CLVS1: variants seen among roughly 807,000 people sequenced by gnomAD.
CLVS1 encodes clavesin-1.
CLVS1 carries 10 observed loss-of-function variants against 33.1 expected under a neutral mutation model. The observed-to-expected ratio is 0.30, with a 90% CI of 0.19 to 0.51. The LOEUF (loss-of-function observed/expected upper bound fraction) is 0.51, where lower values mean the gene tolerates loss of function less well. CLVS1 is among the 20% of genes least tolerant of loss of function. The probability of loss-of-function intolerance (pLI) is 0.97; values close to 1 mark genes in which losing one functional copy is unlikely to be tolerated. For synonymous variants in CLVS1, 163 were observed against 166.1 expected (o/e 0.98, Z 0.14); for missense variants, 343 against 433.4 (o/e 0.79, Z 1.85).
At chr8:61,433,374 T>C (rs1265224831) in intron 3 of CLVS1, among the ~76,000 whole-genome samples, 1 of 152,220 alleles carries the variant, frequency 6.6e-6, no homozygotes, top group Non-Finnish European at 1.5e-5. Context: ...ATCTACATTT[T>C]ACATACAATA....
chr8:61,070,141 C>A (rs768310640), intron 1 of CLVS1, among the ~76,000 whole-genome samples: 1 of 152,140 alleles, frequency 6.6e-6, no homozygotes. Flanking sequence ...TTGGCTGCCT[C>A]GTGTTCTGCC....
At position 61,477,765 on chromosome 8, in the gene CLVS1, A is replaced by AT. The variant is rs1019817381; in HGVS notation, c.977+19229dup. On this transcript the variant is annotated intron_variant, in intron 5 of 5. Transcript: ENST00000325897. ...AAAAAACCAGCTCCTGGATTCATTG[A>AT]TTTTTTGAAGGGTTTTTTGTGTCTC... 2.0e-3 allele frequency among the ~76,000 whole-genome samples: 309 copies of AT among 152,100 alleles called. 2 individuals are homozygous for AT. Among genetic ancestry groups the AT allele is most frequent in the African/African-American group, 7.3e-3 (301 of 41,486 alleles).
chr8:61,272,724 C>G (rs1272862636), intron 2 of CLVS1, among the ~76,000 whole-genome samples: 1 of 152,138 alleles, frequency 6.6e-6, no homozygotes, highest in Non-Finnish European at 1.5e-5. Flanking sequence ...AACTTCCCTT[C>G]TCACTTCATT....
the CLVS1 span, among the ~76,000 whole-genome samples, chr8:61,019,381 G>A: frequency 6.6e-6 from 1 of 152,170 alleles, no homozygotes; most frequent in Non-Finnish European, 1.5e-5. Context: ...CTGGCCTGGT[G>A]TCAGCCACTT....
chr8:61,481,669 G>A (rs1297323649), intron 5 of CLVS1, among the ~76,000 whole-genome samples: 1 of 152,164 alleles, frequency 6.6e-6, no homozygotes, highest in Non-Finnish European at 1.5e-5. Flanking sequence ...TGTCATTGCT[G>A]AGGCTTGAGT....
At chr8:61,109,513 T>A (rs1263897606) in intron 1 of CLVS1, among the ~76,000 whole-genome samples, 2 of 152,202 alleles carry the variant, frequency 1.3e-5, no homozygotes, top group Admixed American at 6.5e-5. Context: ...TACTTCAGTA[T>A]AAATATTGCT....
At chr8:61,017,442 C>T in the CLVS1 span, among the ~76,000 whole-genome samples, 3 of 152,242 alleles carry the variant, frequency 2.0e-5, no homozygotes, top group Non-Finnish European at 2.9e-5. Context: ...TACGCCATTT[C>T]CCTGCCTGTC....
chr8:61,091,304 G>A (rs1055417351), intron 1 of CLVS1, among the ~76,000 whole-genome samples: 3 of 152,194 alleles, frequency 2.0e-5, no homozygotes, highest in Admixed American at 6.5e-5. Context: ...AAGCAGTCCT[G>A]TGACACCTTG....
At chr8:61,204,630 A>G (rs1421862278) in intron 2 of CLVS1, among the ~76,000 whole-genome samples, 1 of 152,194 alleles carries the variant, frequency 6.6e-6, no homozygotes, top group African/African-American at 2.4e-5. Flanking sequence ...AAATAAAAGA[A>G]TTTCATAGAA....
chr8:61,297,513 T>C (rs906001612), intron 1 of CLVS1, among the ~76,000 whole-genome samples: 1 of 152,184 alleles, frequency 6.6e-6, no homozygotes, highest in Non-Finnish European at 1.5e-5. Flanking sequence ...TGGAAGATGA[T>C]GTCATTCACT....
At chr8:61,169,117 C>G (rs1471339341) in intron 2 of CLVS1, among the ~76,000 whole-genome samples, 1 of 152,134 alleles carries the variant, frequency 6.6e-6, no homozygotes. Flanking sequence ...TAGCTTCTAA[C>G]TCAAATTCTG....
At chr8:61,166,583 C>A (rs1032241725) in intron 2 of CLVS1, among the ~76,000 whole-genome samples, 9 of 151,890 alleles carry the variant, frequency 5.9e-5, no homozygotes, top group Non-Finnish European at 1.0e-4. Context: ...TGCTTTCTCC[C>A]TTCTCTGAGG....
chr8:61,282,373 T>C (rs1809687926), intron 2 of CLVS1, among the ~76,000 whole-genome samples: 1 of 152,144 alleles, frequency 6.6e-6, no homozygotes, highest in Admixed American at 6.5e-5. Flanking sequence ...TGGTTGGAGA[T>C]GCCACAGTAG....
At chr8:61,326,798 CAAT>C (rs779578607) in intron 2 of CLVS1, among the ~76,000 whole-genome samples, 1 of 152,064 alleles carries the variant, frequency 6.6e-6, no homozygotes, top group Non-Finnish European at 1.5e-5. Context: ...TAATTGAGGT[CAAT>C]AATTCCAAAT....
At chr8:61,332,453 G>A (rs957465160) in intron 2 of CLVS1, among the ~76,000 whole-genome samples, 1 of 152,058 alleles carries the variant, frequency 6.6e-6, no homozygotes, top group Admixed American at 6.5e-5. Flanking sequence ...GCTTTTTGCT[G>A]GCTTACTTTC....
chr8:61,430,213 C>A (rs1038454638), intron 3 of CLVS1, among the ~76,000 whole-genome samples: 1 of 152,144 alleles, frequency 6.6e-6, no homozygotes, highest in African/African-American at 2.4e-5. Context: ...TATCAAAAAT[C>A]TTTTGCAGAC....
intron 3 of CLVS1, among the ~76,000 whole-genome samples, chr8:61,416,411 GTAT>G (rs1440723656): frequency 4.3e-4 from 65 of 152,238 alleles, no homozygotes; most frequent in Middle Eastern, 6.8e-3. Flanking sequence ...AATGAATTTT[GTAT>G]TGGTTCATCC....
intron 3 of CLVS1, among the ~76,000 whole-genome samples, chr8:61,421,839 G>A (rs1441120853): frequency 6.6e-6 from 1 of 152,156 alleles, no homozygotes; most frequent in Non-Finnish European, 1.5e-5. Context: ...TCACCTCTCT[G>A]TGGTCGTGCT....
Position 61,439,616 on chromosome 8 carries a change from G to C in CLVS1, c.631-14525G>C, listed in dbSNP as rs149384118. 1.2e-3 allele frequency among the ~76,000 whole-genome samples: 185 copies of C among 152,296 alleles called. 1 individual carries two copies. Among genetic ancestry groups the C allele is most frequent in the Admixed American group, 0.01 (155 of 15,298 alleles). The stretch of plus-strand genomic sequence containing the variant: ...TAAGCAGAAAGTAAAAGAAGCAATT[G>C]AGATTATCTTAGTTTCTTCATACTA... On this transcript the variant is annotated intron_variant, in intron 3 of 5. Coordinates refer to ENST00000325897, the MANE Select transcript of CLVS1 (RefSeq NM_173519.3).
Sources: allele counts gnomAD v4.1 joint callset (sites outside exome capture counted in the v4.1 genomes callset), GRCh38; gene constraint gnomAD v4.1.1; transcripts MANE v1.5; gene names NCBI Gene and HGNC (gene_info 2026-07-23, HGNC 2026-07-21).